The following TRDN variants were observed in gnomAD, a reference collection of about 807,000 sequenced individuals.
The protein encoded by TRDN is triadin in skeletal muscle.
TRDN carries 161 observed loss-of-function variants against 149.7 expected under a neutral mutation model. The observed-to-expected ratio is 1.08, with a 90% CI of 0.95 to 1.23. TRDN has a LOEUF of 1.23. TRDN is among the 50% of genes most tolerant of loss of function. The pLI is 0.00. For synonymous variants in TRDN, 294 were observed against 250.5 expected (o/e 1.17, Z -1.64); for missense variants, 896 against 823.5 (o/e 1.09, Z -1.08).
At chr6:123,539,936 T>C (rs150402499) in intron 4 of TRDN, among the ~76,000 whole-genome samples, 1 of 152,330 alleles carries the variant, frequency 6.6e-6, no homozygotes, top group African/African-American at 2.4e-5. Context: ...AATTCAACTA[T>C]TTAAGGCTTG....
At chr6:123,441,169 T>C (rs1241183911) in intron 10 of TRDN, 2 of 152,182 alleles carry the variant, frequency 1.3e-5, no homozygotes, top group African/African-American at 2.4e-5. Context: ...TGGAATTAAA[T>C]TTTTCACTTA....
intron 4 of TRDN, among the ~76,000 whole-genome samples, chr6:123,533,807 A>G (rs1780373007): frequency 2.0e-5 from 3 of 152,182 alleles, no homozygotes; most frequent in Admixed American, 1.3e-4. Context: ...AGGTAACTCT[A>G]AAGTGAAAGG....
intron 8 of TRDN, among the ~76,000 whole-genome samples, chr6:123,501,067 T>A (rs1182520204): frequency 6.6e-6 from 1 of 152,006 alleles, no homozygotes; most frequent in East Asian, 1.9e-4. Flanking sequence ...TGGGTGTGTG[T>A]GTGTGTCTGT....
intron 40 of TRDN, among the ~76,000 whole-genome samples, chr6:123,221,100 T>A (rs1775131040): frequency 6.6e-6 from 1 of 151,768 alleles, no homozygotes; most frequent in South Asian, 2.1e-4. Context: ...GCAATTGAAT[T>A]GCTAAAACCT....
intron 9 of TRDN, among the ~76,000 whole-genome samples, chr6:123,490,742 A>T (rs143954591): frequency 6.6e-6 from 1 of 152,246 alleles, no homozygotes; most frequent in African/African-American, 2.4e-5. Flanking sequence ...GCAGGCATCC[A>T]AAAGAAATGG....
chr6:123,359,561 T>A (rs920128632), intron 20 of TRDN, among the ~76,000 whole-genome samples: 1 of 152,076 alleles, frequency 6.6e-6, no homozygotes, highest in South Asian at 2.1e-4. Flanking sequence ...TAGAAGACAA[T>A]GAAGGCTTGA....
chr6:123,377,837 T>C, intron 17 of TRDN, 29 bp downstream of exon 17: 1 of 1,599,540 alleles, frequency 6.3e-7, no homozygotes, highest in Non-Finnish European at 8.6e-7. Context: ...TATGAAATTG[T>C]GAGAACAGAG....
intron 1 of TRDN, among the ~76,000 whole-genome samples, chr6:123,635,827 A>G (rs917071597): frequency 1.3e-5 from 2 of 151,938 alleles, no homozygotes; most frequent in Admixed American, 1.3e-4. Flanking sequence ...TTTTACCTCA[A>G]CTAGAACCAG....
chr6:123,395,520 T>C (rs1772685431), intron 12 of TRDN, among the ~76,000 whole-genome samples: 1 of 152,118 alleles, frequency 6.6e-6, no homozygotes, highest in South Asian at 2.1e-4. Flanking sequence ...TGCACATAGA[T>C]TGGGCATGTT....
At chr6:123,563,868 C>T (rs1415285258) in intron 2 of TRDN, among the ~76,000 whole-genome samples, 3 of 152,060 alleles carry the variant, frequency 2.0e-5, no homozygotes, top group South Asian at 2.1e-4. Flanking sequence ...AGTGCAGTGG[C>T]GCAAGCTCAA....
chr6:123,298,787 G>A (rs1344472497), intron 24 of TRDN, among the ~76,000 whole-genome samples: 1 of 152,004 alleles, frequency 6.6e-6, no homozygotes, highest in East Asian at 1.9e-4. Flanking sequence ...TTACTCTGCA[G>A]CCCTTTACTG....
chr6:123,434,305 T>G (rs1774464181), intron 12 of TRDN, among the ~76,000 whole-genome samples: 1 of 152,190 alleles, frequency 6.6e-6, no homozygotes, highest in Non-Finnish European at 1.5e-5. Context: ...TCTTACAGAC[T>G]CACTTGCAGC....
intron 20 of TRDN, among the ~76,000 whole-genome samples, chr6:123,357,385 G>T (rs537546042): frequency 6.6e-6 from 1 of 152,086 alleles, no homozygotes; most frequent in African/African-American, 2.4e-5. Flanking sequence ...AATGATATAT[G>T]AGGAAAGACA....
At chr6:123,317,514 G>A (rs9490727) in intron 23 of TRDN, among the ~76,000 whole-genome samples, 4 of 151,692 alleles carry the variant, frequency 2.6e-5, no homozygotes, top group Non-Finnish European at 4.4e-5. Context: ...CACTACTTCC[G>A]ATAATACTTG....
chr6:123,455,432 G>GTC (rs1776054474), intron 10 of TRDN, among the ~76,000 whole-genome samples: 1 of 149,606 alleles, frequency 6.7e-6, no homozygotes, highest in East Asian at 1.9e-4. Flanking sequence ...GTGTGTGTGT[G>GTC]TGTGTGTCTG....
intron 9 of TRDN, among the ~76,000 whole-genome samples, chr6:123,466,931 G>A (rs1232717006): frequency 6.6e-6 from 1 of 151,744 alleles, no homozygotes; most frequent in Non-Finnish European, 1.5e-5. Context: ...ATAGTCTTGA[G>A]TTATTGAGGA....
intron 5 of TRDN, among the ~76,000 whole-genome samples, chr6:123,530,162 AT>A (rs1780168914): frequency 6.6e-6 from 1 of 152,002 alleles, no homozygotes; most frequent in South Asian, 2.1e-4. Context: ...TTAAAAAAAA[AT>A]AAACTCTGAC....
At chr6:123,385,941 T>C (rs1027725397) in intron 14 of TRDN, among the ~76,000 whole-genome samples, 1 of 151,424 alleles carries the variant, frequency 6.6e-6, no homozygotes, top group South Asian at 2.1e-4. Context: ...TCCTAGTAGT[T>C]AAAAAAAAAT....
At chr6:123,299,881 T>C (rs1169612467) in intron 24 of TRDN, among the ~76,000 whole-genome samples, 2 of 152,016 alleles carry the variant, frequency 1.3e-5, no homozygotes, top group East Asian at 3.9e-4. Context: ...TATTTTAGAA[T>C]AGCAAAGAAG....
Sources: gnomAD v4.1 joint callset for allele counts (sites outside exome capture counted in the v4.1 genomes callset) on GRCh38, gnomAD v4.1.1 for gene constraint, MANE v1.5 for transcripts, NCBI Gene and HGNC (gene_info 2026-07-23, HGNC 2026-07-21) for gene names.